Variants in MEF2A observed in about 807,000 individuals in gnomAD.
The protein encoded by MEF2A is myocyte enhancer factor 2A.
Under a neutral mutation model 55.8 loss-of-function variants are expected in MEF2A, and 28 were observed. The ratio of observed to expected loss-of-function variants is 0.50; its 90% CI spans 0.37 to 0.69. The LOEUF is 0.69. Ranked by LOEUF, MEF2A falls within the 30% of genes least tolerant of loss-of-function variation. The probability of loss-of-function intolerance (pLI) is 0.00; values close to 1 mark genes in which losing one functional copy is unlikely to be tolerated. For synonymous variants in MEF2A, 239 were observed against 227.1 expected (o/e 1.05, Z -0.47); for missense variants, 528 against 626.2 (o/e 0.84, Z 1.67).
intron 8 of MEF2A, among the ~76,000 whole-genome samples, chr15:99,695,563 G>A (rs1433996266): frequency 2.6e-5 from 4 of 151,864 alleles, no homozygotes; most frequent in African/African-American, 9.7e-5. Context: ...GTGTGTGTGT[G>A]TGTGTGTTTC....
At chr15:99,674,301 A>C (rs2051471612) in intron 5 of MEF2A, 92 bp from the exon 6 acceptor site, 1 of 1,163,494 alleles carries the variant, frequency 8.6e-7, no homozygotes, top group Non-Finnish European at 1.2e-6. Context: ...ACTTTTAGTA[A>C]CTTGAGTTAC....
chr15:99,567,749 T>C (rs1008930524), intron 1 of MEF2A, among the ~76,000 whole-genome samples: 5 of 152,060 alleles, frequency 3.3e-5, no homozygotes, highest in Non-Finnish European at 7.4e-5. Context: ...CTAAAGCAGA[T>C]GCTGATTTAG....
chr15:99,702,515 CCG>C (rs780831168), intron 8 of MEF2A, among the ~76,000 whole-genome samples: 1 of 150,010 alleles, frequency 6.7e-6, no homozygotes, highest in Non-Finnish European at 1.5e-5. Flanking sequence ...GTAACCTCTG[CCG>C]CCCGGGTTCA....
rs140429382 is a variant in MEF2A, at chr15:99,578,011, A to T, written c.-225+11907A>T. Reference sequence around the variant, plus strand: ...TAATCTTGTTCACTTAATTAAGGTAATATCTGCTGATCTCTCCTCTGTAAA... The same window carrying T: ...TAATCTTGTTCACTTAATTAAGGTATTATCTGCTGATCTCTCCTCTGTAAA... On this transcript the variant is annotated intron_variant, in intron 1 of 11. Transcript: ENST00000557942. 1.5e-3 allele frequency among the ~76,000 whole-genome samples: 234 copies of T among 152,334 alleles called. 1 individual carries two copies. The highest frequency in any genetic ancestry group is 3.9e-3 in the African/African-American group (164 of 41,580).
intron 1 of MEF2A, among the ~76,000 whole-genome samples, chr15:99,576,783 G>A (rs1035246770): frequency 9.9e-5 from 15 of 151,918 alleles, no homozygotes; most frequent in Admixed American, 3.9e-4. Flanking sequence ...TGGGACTACA[G>A]GCGCCTGCCA....
At chr15:99,651,214 G>T (rs1293852926) in intron 4 of MEF2A, among the ~76,000 whole-genome samples, 1 of 152,132 alleles carries the variant, frequency 6.6e-6, no homozygotes, top group Non-Finnish European at 1.5e-5. Context: ...TCTTTGAGAG[G>T]TGTGGTGGGG....
intron 1 of MEF2A, among the ~76,000 whole-genome samples, chr15:99,589,565 T>C (rs1027924189): frequency 1.3e-5 from 2 of 152,146 alleles, no homozygotes; most frequent in Admixed American, 6.5e-5. Context: ...TTTTTTCTAG[T>C]GTCTTAGGGT....
chr15:99,674,780 G>C (rs987072486), intron 6 of MEF2A, among the ~76,000 whole-genome samples, 168 bp downstream of exon 6: 6 of 152,034 alleles, frequency 3.9e-5, no homozygotes, highest in Non-Finnish European at 5.9e-5. Flanking sequence ...ATCAATTGTG[G>C]GTGTAGCATT....
chr15:99,689,887 C>T (rs1354718414), intron 7 of MEF2A, among the ~76,000 whole-genome samples: 1 of 152,152 alleles, frequency 6.6e-6, no homozygotes, highest in Non-Finnish European at 1.5e-5. Context: ...GCTTGTCTTC[C>T]TTTGCTTATT....
intron 1 of MEF2A, among the ~76,000 whole-genome samples, chr15:99,583,121 T>C (rs1332150861): frequency 6.6e-6 from 1 of 152,166 alleles, no homozygotes; most frequent in African/African-American, 2.4e-5. Context: ...TTAAGACCTT[T>C]TGGAATTTTT....
At chr15:99,630,694 A>G (rs138000060) in intron 2 of MEF2A, among the ~76,000 whole-genome samples, 21 of 152,340 alleles carry the variant, frequency 1.4e-4, no homozygotes, top group African/African-American at 4.6e-4. Context: ...AGCTAGGCCA[A>G]TAAGAGTAGT....
chr15:99,624,042 G>A (rs1203363404), intron 2 of MEF2A, among the ~76,000 whole-genome samples: 2 of 152,126 alleles, frequency 1.3e-5, no homozygotes, highest in African/African-American at 2.4e-5. Flanking sequence ...CTGACCTCAG[G>A]TAATCCACCC....
intron 10 of MEF2A, among the ~76,000 whole-genome samples, chr15:99,709,402 T>C (rs1597331998): frequency 6.6e-6 from 1 of 152,198 alleles, no homozygotes; most frequent in Non-Finnish European, 1.5e-5. Context: ...CAAATGGACA[T>C]GGCACTAGGT....
chr15:99,682,926 A>G (rs2053514273), intron 7 of MEF2A, among the ~76,000 whole-genome samples: 1 of 152,260 alleles, frequency 6.6e-6, no homozygotes, highest in South Asian at 2.1e-4. Context: ...ATCAGAACAC[A>G]TATTCATGCC....
At chr15:99,611,388 G>A (rs1977233828) in intron 2 of MEF2A, among the ~76,000 whole-genome samples, 1 of 152,134 alleles carries the variant, frequency 6.6e-6, no homozygotes, top group Non-Finnish European at 1.5e-5. Flanking sequence ...TTTCTCCGAA[G>A]AAGATAAATA....
intron 4 of MEF2A, among the ~76,000 whole-genome samples, chr15:99,660,146 G>A (rs1020041459): frequency 2.0e-5 from 3 of 152,184 alleles, no homozygotes; most frequent in Non-Finnish European, 4.4e-5. Flanking sequence ...AAATGTGAAA[G>A]TCTTCAGCAA....
At chr15:99,662,596 C>T (rs2153577482) in intron 4 of MEF2A, among the ~76,000 whole-genome samples, 1 of 152,068 alleles carries the variant, frequency 6.6e-6, no homozygotes, top group South Asian at 2.1e-4. Flanking sequence ...CTGCCTCATC[C>T]TCCTGAGTAC....
At chr15:99,671,096 C>A (rs1285151694) in intron 4 of MEF2A, among the ~76,000 whole-genome samples, 1 of 152,156 alleles carries the variant, frequency 6.6e-6, no homozygotes, top group Non-Finnish European at 1.5e-5. Context: ...AGGAAGAATC[C>A]AAACAAATAT....
At chr15:99,699,517 C>T (rs374079204) in intron 8 of MEF2A, among the ~76,000 whole-genome samples, 1 of 152,118 alleles carries the variant, frequency 6.6e-6, no homozygotes, top group African/African-American at 2.4e-5. Context: ...ACTGTACCTA[C>T]AAAGAGTGAC....
Sources: gnomAD v4.1 joint callset for allele counts (sites outside exome capture counted in the v4.1 genomes callset) on GRCh38, gnomAD v4.1.1 for gene constraint, MANE v1.5 for transcripts, NCBI Gene and HGNC (gene_info 2026-07-23, HGNC 2026-07-21) for gene names.